The following UBR3 variants were observed in gnomAD, a reference collection of about 807,000 sequenced individuals.
UBR3 encodes E3 ubiquitin-protein ligase UBR3.
Under a neutral mutation model 243.2 loss-of-function variants are expected in UBR3, and 85 were observed. The observed-to-expected ratio is 0.35, with a 90% CI of 0.29 to 0.42. The LOEUF is 0.42. UBR3 is among the 10% of genes least tolerant of loss of function. UBR3 has a pLI of 1.00. For synonymous variants in UBR3, 748 were observed against 799.8 expected (o/e 0.94, Z 1.09); for missense variants, 1,686 against 2,300.8 (o/e 0.73, Z 5.47).
chr2:169,847,081 G>T (rs181482201), intron 1 of UBR3, among the ~76,000 whole-genome samples: 6,592 of 93,382 alleles, frequency 0.071, 168 homozygotes, highest in Middle Eastern at 0.097. Context: ...TTCTTAAACT[G>T]TGTGTGTGTG....
intron 1 of UBR3, among the ~76,000 whole-genome samples, chr2:169,832,154 T>C (rs951142972): frequency 6.6e-6 from 1 of 152,188 alleles, no homozygotes; most frequent in African/African-American, 2.4e-5. Context: ...AGTATTGATA[T>C]AATCAATGTG....
chr2:170,016,150 T>C (rs1417311605), intron 30 of UBR3, among the ~76,000 whole-genome samples: 2 of 151,878 alleles, frequency 1.3e-5, no homozygotes, highest in African/African-American at 2.4e-5. Context: ...TATTAAAAAT[T>C]ATCAATACAT....
intron 35 of UBR3, among the ~76,000 whole-genome samples, chr2:170,064,073 T>C (rs2091505098): frequency 6.6e-6 from 1 of 152,240 alleles, no homozygotes; most frequent in African/African-American, 2.4e-5. Context: ...ATGCTTATGG[T>C]TAATTTAATT....
intron 13 of UBR3, among the ~76,000 whole-genome samples, chr2:169,924,760 T>C (rs932821226): frequency 7.9e-5 from 12 of 152,054 alleles, no homozygotes; most frequent in African/African-American, 2.9e-4. Flanking sequence ...TGAAGCCAGG[T>C]GTGGTGGCTC....
intron 5 of UBR3, among the ~76,000 whole-genome samples, chr2:169,885,954 C>T (rs1367843318): frequency 1.3e-5 from 2 of 151,952 alleles, no homozygotes; most frequent in African/African-American, 4.8e-5. Flanking sequence ...GTCAGGAGAT[C>T]GAGATCAGCC....
intron 32 of UBR3, among the ~76,000 whole-genome samples, chr2:170,048,337 C>T (rs903516910): frequency 2.0e-5 from 3 of 152,192 alleles, no homozygotes; most frequent in African/African-American, 7.2e-5. Context: ...GTGTCTTCTA[C>T]TCTACCTTCT....
chr2:169,923,197 A>G (rs2085772725), intron 11 of UBR3, among the ~76,000 whole-genome samples: 1 of 152,138 alleles, frequency 6.6e-6, no homozygotes, highest in Admixed American at 6.5e-5. Flanking sequence ...AAGTTTTGTT[A>G]TGGAGGCTGG....
chr2:169,990,741 A>ACG (rs2089238361), intron 25 of UBR3, among the ~76,000 whole-genome samples: 1 of 127,696 alleles, frequency 7.8e-6, no homozygotes, highest in Non-Finnish European at 1.7e-5. Flanking sequence ...ACACACACAC[A>ACG]CACACACATA....
chr2:169,915,098 A>G (rs2085408014), intron 11 of UBR3, among the ~76,000 whole-genome samples: 1 of 152,322 alleles, frequency 6.6e-6, no homozygotes. Context: ...TTTAATTCTT[A>G]TAACTCATTC....
At chr2:169,936,221 G>A (rs1196513727) in intron 19 of UBR3, among the ~76,000 whole-genome samples, 1 of 151,782 alleles carries the variant, frequency 6.6e-6, no homozygotes, top group Non-Finnish European at 1.5e-5. Flanking sequence ...TACCATGCCC[G>A]GCTAATTTTG....
At chr2:169,992,998 T>C (rs1169867549) in intron 25 of UBR3, among the ~76,000 whole-genome samples, 3 of 152,146 alleles carry the variant, frequency 2.0e-5, no homozygotes, top group Non-Finnish European at 4.4e-5. Context: ...TGGCCTCAAG[T>C]AGTCTGTCCA....
intron 30 of UBR3, among the ~76,000 whole-genome samples, chr2:170,024,654 A>G (rs2090482107): frequency 6.6e-6 from 1 of 152,110 alleles, no homozygotes; most frequent in Admixed American, 6.6e-5. Context: ...CTTAATGTTG[A>G]TAAAGGTAGA....
rs1380482380 is a variant in UBR3, at chr2:169,858,577, A to C, written c.546-13659A>C. Among the ~76,000 whole-genome samples the C allele has an allele frequency of 2.6e-5, 4 of 152,016 alleles. No homozygotes were observed. In the East Asian group the frequency reaches 5.8e-4, roughly 22 times the overall value. On this transcript the variant is annotated intron_variant, in intron 1 of 38. Coordinates refer to ENST00000272793, the MANE Select transcript of UBR3 (RefSeq NM_172070.4). Reference sequence around the variant, plus strand: ...GTTCTTTGTATATTACTTTTCATTTAGTACTTTATTTATTTATTTGAAATT... The same window carrying C: ...GTTCTTTGTATATTACTTTTCATTTCGTACTTTATTTATTTATTTGAAATT...
chr2:170,057,283 A>AT (rs61031623), intron 33 of UBR3, among the ~76,000 whole-genome samples: 6,500 of 151,788 alleles, frequency 0.043, 153 homozygotes, highest in Middle Eastern at 0.061. Flanking sequence ...CACACAGCTG[A>AT]TTTTTTGTAT....
Position 169,986,709 on chromosome 2 carries a change from A to G in UBR3, c.3699A>G (p.Val1233=), listed in dbSNP as rs777844281. 28 of 1,614,006 alleles carry G rather than the reference A, an allele frequency of 1.7e-5. No homozygotes were observed. Among genetic ancestry groups the G allele is most frequent in the Non-Finnish European group, 2.4e-5 (28 of 1,179,998 alleles). The change falls in exon 25 of 39, where the codon GTA becomes GTG. Residue 1233 remains valine (V), a synonymous_variant. Transcript: ENST00000272793. ...CAGAACCACAGGTTTCCGAGGCAGT[A>G]TATGACTGTGTTATTTGTGGACAGA... ...TTAEPQVSEA[V]YDCVICGQSG... is the part of the protein sequence containing the mutation.
intron 25 of UBR3, among the ~76,000 whole-genome samples, chr2:169,988,456 C>G (rs949940343): frequency 6.6e-6 from 1 of 152,058 alleles, no homozygotes; most frequent in Non-Finnish European, 1.5e-5. Context: ...AAATATTAAA[C>G]AATTCCACTA....
At chr2:169,931,647 C>T (rs180870717) in intron 18 of UBR3, among the ~76,000 whole-genome samples, 6 of 152,038 alleles carry the variant, frequency 3.9e-5, no homozygotes, top group East Asian at 1.9e-4. Flanking sequence ...ACTCTTAAGG[C>T]GGTGGTTTCT....
At chr2:169,907,162 G>A (rs539148581) in intron 10 of UBR3, among the ~76,000 whole-genome samples, 2 of 150,118 alleles carry the variant, frequency 1.3e-5, no homozygotes, top group East Asian at 2.0e-4. Context: ...TGAGCCTCCC[G>A]AGTAGCTGGG....
intron 29 of UBR3, among the ~76,000 whole-genome samples, chr2:170,012,120 C>T (rs922868354): frequency 2.6e-5 from 4 of 152,042 alleles, no homozygotes; most frequent in African/African-American, 9.7e-5. Flanking sequence ...TCATAGGTTA[C>T]TTTGTAAACT....
Sources: gnomAD v4.1 joint callset for allele counts (sites outside exome capture counted in the v4.1 genomes callset) on GRCh38, gnomAD v4.1.1 for gene constraint, MANE v1.5 for transcripts, NCBI Gene and HGNC (gene_info 2026-07-23, HGNC 2026-07-21) for gene names.